Variants in EEA1 observed in about 807,000 individuals in gnomAD.
EEA1 encodes early endosome antigen 1, 162kD.
Under a neutral mutation model 209.2 loss-of-function variants are expected in EEA1, and 111 were observed. That is an observed-to-expected ratio of 0.53 (90% CI 0.45 to 0.62). The LOEUF is 0.62. Among genes scored for constraint, EEA1 ranks in the 20% least tolerant of loss-of-function variants. The probability of loss-of-function intolerance (pLI) is 0.00; values close to 1 mark genes in which losing one functional copy is unlikely to be tolerated. For missense variants in EEA1, 1,343 were observed against 1,530.8 expected, an observed-to-expected ratio of 0.88 and a Z score of 2.05; for synonymous variants, 536 against 540.6, an observed-to-expected ratio of 0.99 and a Z score of 0.12.
intron 17 of EEA1, 125 bp downstream of exon 17, chr12:92,811,154 A>T (rs911131088): frequency 1.1e-5 from 7 of 637,774 alleles, no homozygotes; most frequent in Non-Finnish European, 1.4e-5. Flanking sequence ...GCAATTTTTT[A>T]AAAATTTTAT....
intron 21 of EEA1, among the ~76,000 whole-genome samples, chr12:92,794,919 C>G (rs1177572977): frequency 6.6e-6 from 1 of 151,936 alleles, no homozygotes; most frequent in South Asian, 2.1e-4. Flanking sequence ...AATGGCATTA[C>G]CAACTACCCA....
intron 5 of EEA1, among the ~76,000 whole-genome samples, chr12:92,855,648 A>G (rs957546147): frequency 2.6e-5 from 4 of 152,216 alleles, no homozygotes; most frequent in African/African-American, 4.8e-5. Flanking sequence ...AAAGAGTTTA[A>G]TAAGGCATTT....
intron 10 of EEA1, 77 bp from the exon 11 acceptor site, chr12:92,832,927 C>A (rs923922215): frequency 2.9e-6 from 3 of 1,030,382 alleles, no homozygotes; most frequent in Admixed American, 2.7e-5. Flanking sequence ...ATCTTTGGAG[C>A]AGTACTGTCT....
intron 16 of EEA1, 45 bp downstream of exon 16, chr12:92,812,935 A>G: frequency 2.3e-6 from 3 of 1,329,548 alleles, no homozygotes; most frequent in Non-Finnish European, 3.1e-6. Flanking sequence ...TTATTTATCT[A>G]CCAAAGCACT....
chr12:92,913,985 A>G (rs1188632294), intron 1 of EEA1, among the ~76,000 whole-genome samples: 1 of 152,176 alleles, frequency 6.6e-6, no homozygotes, highest in East Asian at 1.9e-4. Context: ...TTAATCCTTC[A>G]GTTAATTTGA....
intron 12 of EEA1, among the ~76,000 whole-genome samples, chr12:92,826,688 C>A (rs1876316866): frequency 6.9e-6 from 1 of 145,708 alleles, no homozygotes; most frequent in Non-Finnish European, 1.5e-5. Flanking sequence ...GCACTCCAGC[C>A]TGGGTGACAG....
intron 2 of EEA1, among the ~76,000 whole-genome samples, chr12:92,877,264 A>G (rs1431330433): frequency 6.6e-6 from 1 of 151,350 alleles, no homozygotes; most frequent in Non-Finnish European, 1.5e-5. Context: ...GGCATGAGCC[A>G]CCATTCCTGG....
chr12:92,811,167 C>A lies in EEA1; in HGVS notation c.2199+112G>T. 6.7e-6 allele frequency: 5 copies of A among 742,342 alleles called. No homozygotes were observed. In the South Asian group the frequency reaches 1.5e-4, roughly 22 times the overall value. 46.0% of individuals were successfully genotyped at this position (742,342 alleles called of 1,614,324 possible). On this transcript the variant is annotated intron_variant, in intron 17 of 28. Transcript: ENST00000322349. ...AAGCAATTTTTTAAAAATTTTATAC[C>A]ACAACTTCACCTTTCTTTGTTAACT...
At chr12:92,786,488 T>C (rs1874138887) in intron 22 of EEA1, among the ~76,000 whole-genome samples, 1 of 152,186 alleles carries the variant, frequency 6.6e-6, no homozygotes, top group South Asian at 2.1e-4. Flanking sequence ...GATATTCTAC[T>C]GGCACTATGA....
At position 92,916,604 on chromosome 12, in the gene EEA1, C is replaced by T. The variant is rs867800537; in HGVS notation, c.24+12439G>A. On this transcript the variant is annotated intron_variant, in intron 1 of 28. Coordinates refer to ENST00000322349, the MANE Select transcript of EEA1 (RefSeq NM_003566.4). ...GGAGGCGGAGGTTGCAGTGAGCCAT[C>T]ATCAAAGACCAAAAGTAGATAAAAC... Among the ~76,000 whole-genome samples the T allele has an allele frequency of 9.6e-5, 4 of 41,452 alleles. 2 individuals carry two copies. The highest frequency in any genetic ancestry group is 6.4e-4 in the African/African-American group (4 of 6,224). The allele number at this position is 41,452 out of a possible 152,430, so 27.2% of individuals were successfully genotyped here.
intron 1 of EEA1, among the ~76,000 whole-genome samples, chr12:92,916,454 A>C (rs1488262177): frequency 6.6e-6 from 1 of 151,236 alleles, no homozygotes; most frequent in Non-Finnish European, 1.5e-5. Context: ...GGAGTTCAAG[A>C]CCAGCCTGAT....
intron 2 of EEA1, among the ~76,000 whole-genome samples, chr12:92,868,191 C>T (rs1176977504): frequency 6.6e-6 from 1 of 152,182 alleles, no homozygotes; most frequent in Non-Finnish European, 1.5e-5. Flanking sequence ...ATATGGTACT[C>T]AACATTGTCT....
chr12:92,837,527 G>C (rs1876983236), intron 10 of EEA1, among the ~76,000 whole-genome samples: 1 of 152,162 alleles, frequency 6.6e-6, no homozygotes. Flanking sequence ...AAAAATCTCT[G>C]TCTCTTCCAA....
Position 92,787,985 on chromosome 12 carries a change from T to G in EEA1, c.3032A>C (p.Lys1011Thr), listed in dbSNP as rs750993791. The G allele has an allele frequency of 3.1e-6, 5 of 1,613,132 alleles. No individual in the cohort carries two copies. Among genetic ancestry groups the G allele is most frequent in the Non-Finnish European group, 4.2e-6 (5 of 1,179,538 alleles). The change falls in exon 22 of 29, where the codon AAA becomes ACA. Residue 1011 changes from lysine (K) to threonine (T), a missense_variant. Lys to Thr is a moderately conservative substitution (Grantham distance 78). This residue lies in a region of EEA1 where 1,307 missense variants were observed against 1,465.5 expected (regional missense o/e 0.89). Transcript: ENST00000322349. ...GTTTTGTAATACTGATATTTTCTCT[T>G]TCTCTGCTGCAAGTTCCTGGGCTGC... ...TQAAQELAAE[K>T]EKISVLQNNY... is the part of the protein sequence containing the mutation.
intron 25 of EEA1, 62 bp downstream of exon 25, chr12:92,779,053 C>T (rs898780623): frequency 4.3e-6 from 6 of 1,402,190 alleles, no homozygotes; most frequent in Non-Finnish European, 5.8e-6. Flanking sequence ...TAGAACAGTC[C>T]TCTCACTGGA....
chr12:92,927,020 C>T (rs1455557316), intron 1 of EEA1, among the ~76,000 whole-genome samples: 8 of 152,174 alleles, frequency 5.3e-5, no homozygotes, highest in Admixed American at 6.5e-5. Flanking sequence ...TTTACTGAAA[C>T]TCAATATAAA....
Position 92,891,691 on chromosome 12 carries a change from C to T in EEA1, c.55G>A (p.Asp19Asn), listed in dbSNP as rs1423632642. 6.2e-7 allele frequency: 1 copy of T among 1,610,876 alleles called. No homozygotes were observed. The highest frequency in any genetic ancestry group is 1.3e-5 in the African/African-American group (1 of 74,972). ...TPGRVGSQGSDLDSSATPINT... is the reference protein window; with the variant it reads ...TPGRVGSQGSNLDSSATPINT... ...ATAGGAGTTGCTGATGAATCTAAAT[C>T]AGAACCTTGAGAGCCAACTCTCCCA... Residue 19 changes from aspartate to asparagine, a missense_variant, in exon 2 of 29, where the codon GAT becomes AAT. This residue lies in a region of EEA1 where 1,307 missense variants were observed against 1,465.5 expected (regional missense o/e 0.89). Transcript: ENST00000322349.
chr12:92,781,556 T>C (rs1873902593), intron 23 of EEA1, among the ~76,000 whole-genome samples: 1 of 152,240 alleles, frequency 6.6e-6, no homozygotes, highest in Admixed American at 6.5e-5. Flanking sequence ...ACAATCTGGT[T>C]CTTAATTTTA....
At chr12:92,858,144 CAG>C in intron 3 of EEA1, 1 of 602,050 alleles carries the variant, frequency 1.7e-6, no homozygotes, top group East Asian at 2.9e-5. Context: ...CTCTTCACCT[CAG>C]AGTTGGTGGG....
Sources: gnomAD v4.1 joint callset for allele counts (sites outside exome capture counted in the v4.1 genomes callset) on GRCh38, gnomAD v4.1.1 for gene constraint, gnomAD v4.1.1 regional missense constraint, MANE v1.5 for transcripts, NCBI Gene and HGNC (gene_info 2026-07-23, HGNC 2026-07-21) for gene names.